The following ALG12 variants were observed in gnomAD, a reference collection of about 807,000 sequenced individuals.
ALG12 encodes dol-P-Man:Man(7)GlcNAc(2)-PP-Dol alpha-1,6-mannosyltransferase.
ALG12 carries 36 observed loss-of-function variants against 46.0 expected under a neutral mutation model. That is an observed-to-expected ratio of 0.78 (90% CI 0.60 to 1.03). The LOEUF is 1.03. ALG12 is among the 50% of genes least tolerant of loss of function. The pLI is 0.00. For missense variants in ALG12, 599 were observed against 633.5 expected (o/e 0.95, Z 0.58); for synonymous variants, 326 against 291.6 (o/e 1.12, Z -1.20).
the ALG12 span, among the ~76,000 whole-genome samples, chr22:49,893,335 T>C: frequency 1.3e-5 from 2 of 152,022 alleles, no homozygotes; most frequent in African/African-American, 2.4e-5. Context: ...TGAGGATAAA[T>C]TGAAAATAAC....
the ALG12 span, among the ~76,000 whole-genome samples, chr22:49,882,233 T>C: frequency 6.6e-6 from 1 of 152,234 alleles, no homozygotes; most frequent in Non-Finnish European, 1.5e-5. Context: ...TCTCCCACTT[T>C]CTGGCATGCC....
At chr22:49,865,552 G>C in the ALG12 span, among the ~76,000 whole-genome samples, 1 of 152,108 alleles carries the variant, frequency 6.6e-6, no homozygotes, top group East Asian at 1.9e-4. Flanking sequence ...GCAGGCACCT[G>C]TAATCCCAGC....
At position 49,901,753 on chromosome 22, in the gene ALG12, T is replaced by C. The variant is rs2060507622; in HGVS notation, c.*2085A>G. 1.2e-5 allele frequency: 1 copy of C among 80,150 alleles called. No homozygotes were observed. The highest frequency in any genetic ancestry group is 1.6e-4 in the African/African-American group (1 of 6,292). 5.0% of individuals were successfully genotyped at this position (80,150 alleles called of 1,614,324 possible). A position where few individuals can be genotyped will look rare whatever the true frequency, so the allele number is the denominator to read the frequency against. On this transcript the variant is annotated 3_prime_UTR_variant, in exon 10 of 10. Coordinates refer to ENST00000330817, the MANE Select transcript of ALG12 (RefSeq NM_024105.4). ...GGTGTGCACGTGCATTGTGCATGCG[T>C]GGTGTATGCATGGTAATGTGCACGT...
chr22:49,865,676 A>G, the ALG12 span, among the ~76,000 whole-genome samples: 1 of 152,010 alleles, frequency 6.6e-6, no homozygotes, highest in South Asian at 2.1e-4. Context: ...AAAAATAAAA[A>G]TAAATGCTCA....
downstream of ALG12, among the ~76,000 whole-genome samples, chr22:49,899,812 T>C (rs938477400): frequency 6.7e-6 from 1 of 149,500 alleles, no homozygotes; most frequent in African/African-American, 2.5e-5. Context: ...TGTGGTAGAG[T>C]GCCAGCCAGT....
At chr22:49,897,663 C>CTTTTTTTT (rs146468551), downstream of ALG12, among the ~76,000 whole-genome samples, 124 of 103,564 alleles carry the variant, frequency 1.2e-3, no homozygotes, top group Non-Finnish European at 1.8e-3. Flanking sequence ...CCCATGTTTT[C>CTTTTTTTT]TTTTTTTTTT....
chr22:49,909,459 G>C (rs2060562926), intron 5 of ALG12, 112 bp from the exon 6 acceptor site: 1 of 1,116,338 alleles, frequency 9.0e-7, no homozygotes, highest in Admixed American at 2.0e-5. Flanking sequence ...ATATAAAAGA[G>C]GTTGGGCAGG....
chr22:49,913,537 T>TGCACCGGGGCCCTGCCAGCTGGTA lies in ALG12; in HGVS notation c.163-21_163-20insTACCAGCTGGCAGGGCCCCGGTGC, dbSNP rs761226929. 12 of 1,613,944 alleles carry TGCACCGGGGCCCTGCCAGCTGGTA rather than the reference T, an allele frequency of 7.4e-6. No individual in the cohort carries two copies. The South Asian group carries it at 1.1e-4, about 15-fold the overall frequency. On this transcript the variant is annotated intron_variant, in intron 2 of 9. Coordinates refer to ENST00000330817, the MANE Select transcript of ALG12 (RefSeq NM_024105.4). The stretch of plus-strand genomic sequence containing the variant: ...GTCGTACTGCGAGGAGAAGGGCAGG[T>TGCACCGGGGCCCTGCCAGCTGGTA]CAGTGCACCGGGGCCCTGCCAGCTG...
At chr22:49,883,501 C>CT in the ALG12 span, 1 of 1,019,190 alleles carries the variant, frequency 9.8e-7, no homozygotes, top group Non-Finnish European at 1.4e-6. Context: ...GTCACAGATT[C>CT]TTTTTTTCAG....
chr22:49,868,743 T>C, the ALG12 span, among the ~76,000 whole-genome samples: 2 of 152,078 alleles, frequency 1.3e-5, no homozygotes, highest in Non-Finnish European at 2.9e-5. Flanking sequence ...ACTTCGTGCA[T>C]GTGTTGTAGG....
At chr22:49,861,741 C>T in the ALG12 span, among the ~76,000 whole-genome samples, 11 of 152,150 alleles carry the variant, frequency 7.2e-5, no homozygotes, top group African/African-American at 1.9e-4. Flanking sequence ...CTGGCCCCTG[C>T]GTGTCTGGTT....
At chr22:49,865,775 G>C in the ALG12 span, among the ~76,000 whole-genome samples, 2 of 152,092 alleles carry the variant, frequency 1.3e-5, no homozygotes, top group Admixed American at 1.3e-4. Flanking sequence ...AAGATGTCTT[G>C]ACTTCCTGCA....
At chr22:49,884,564 A>G in the ALG12 span, 1 of 1,612,838 alleles carries the variant, frequency 6.2e-7, no homozygotes, top group Non-Finnish European at 8.5e-7. Context: ...CCACTGGACA[A>G]CTCCAAAGCT....
chr22:49,869,110 CAA>C, the ALG12 span, among the ~76,000 whole-genome samples: 2 of 115,300 alleles, frequency 1.7e-5, no homozygotes, highest in African/African-American at 7.8e-5. Context: ...GCAACAAGAG[CAA>C]AACTGTCTCA....
chr22:49,860,035 C>T, the ALG12 span, among the ~76,000 whole-genome samples: 29,131 of 35,950 alleles, frequency 0.81, 11,972 homozygotes, highest in African/African-American at 0.91. Context: ...TGATGGTATG[C>T]GCCTGGAGTT....
Position 49,909,901 on chromosome 22 carries a change from G to A in ALG12, c.657C>T (p.Leu219=). 1.2e-6 allele frequency: 2 copies of A among 1,614,146 alleles called. No homozygotes were observed. Among genetic ancestry groups the A allele is most frequent in the Non-Finnish European group, 8.5e-7 (1 of 1,180,022 alleles). Residue 219 remains leucine, a synonymous_variant, in exon 5 of 10, where the codon CTC becomes CTT. Transcript: ENST00000330817. The part of the protein sequence containing the change: ...ALRHAVPAGI[L]CLGLTVAVDS... ...CCACAGTGACTGACTTACCTAAACA[G>A]AGGATCCCTGCCGGGACGGCGTGGC...
chr22:49,913,379 C>A lies in ALG12; in HGVS notation c.295+6G>T, dbSNP rs368352058. 163 of 1,613,698 alleles carry A rather than the reference C, an allele frequency of 1.0e-4. No homozygotes were observed. Among genetic ancestry groups the A allele is most frequent in the Non-Finnish European group, 2.5e-5 (29 of 1,180,054 alleles). ...CTCCCTCCTCCTTTGTTGAAGACCC[C>A]CTTACCTATTAGCTGAGAGTAAAAC... On this transcript the variant is annotated splice_donor_region_variant and intron_variant, in intron 3 of 9. Coordinates refer to ENST00000330817, the MANE Select transcript of ALG12 (RefSeq NM_024105.4).
chr22:49,871,529 G>A, the ALG12 span, among the ~76,000 whole-genome samples: 1 of 151,990 alleles, frequency 6.6e-6, no homozygotes, highest in African/African-American at 2.4e-5. Flanking sequence ...AGTCTGGTAA[G>A]CGTGCAATAG....
At chr22:49,907,994 G>T in intron 6 of ALG12, 50 bp from the exon 7 acceptor site, 1 of 1,581,100 alleles carries the variant, frequency 6.3e-7, no homozygotes. Flanking sequence ...ATGAGCCCGT[G>T]GGCTAGGTGG....
Sources: gnomAD v4.1 joint callset for allele counts (sites outside exome capture counted in the v4.1 genomes callset) on GRCh38, gnomAD v4.1.1 for gene constraint, MANE v1.5 for transcripts, NCBI Gene and HGNC (gene_info 2026-07-23, HGNC 2026-07-21) for gene names.